ITGBL1: variants seen among roughly 807,000 people sequenced by gnomAD.
ITGBL1 encodes integrin beta-like protein 1.
Under a neutral mutation model 68.5 loss-of-function variants are expected in ITGBL1, and 51 were observed. That is an observed-to-expected ratio of 0.74 (90% CI 0.59 to 0.94). The LOEUF is 0.94. ITGBL1 is among the 40% of genes least tolerant of loss of function. ITGBL1 has a pLI of 0.00. For synonymous variants in ITGBL1, 209 were observed against 227.3 expected (o/e 0.92, Z 0.72); for missense variants, 649 against 647.4 (o/e 1.00, Z -0.03).
intron 3 of ITGBL1, among the ~76,000 whole-genome samples, chr13:101,569,745 T>C (rs2050243054): frequency 6.6e-6 from 1 of 152,192 alleles, no homozygotes; most frequent in African/African-American, 2.4e-5. Context: ...TCATAATACA[T>C]ATTCTTAGGT....
At chr13:101,688,271 A>G (rs899991997) in intron 7 of ITGBL1, among the ~76,000 whole-genome samples, 2 of 152,148 alleles carry the variant, frequency 1.3e-5, no homozygotes, top group East Asian at 1.9e-4. Flanking sequence ...TAAACTTTGC[A>G]TTCAGTATTC....
chr13:101,495,067 C>A (rs2048837245), intron 2 of ITGBL1, among the ~76,000 whole-genome samples: 1 of 152,180 alleles, frequency 6.6e-6, no homozygotes, highest in African/African-American at 2.4e-5. Flanking sequence ...GTTTTGAATC[C>A]TTCTAAGTTA....
At chr13:101,473,098 G>A (rs2048485161) in intron 2 of ITGBL1, among the ~76,000 whole-genome samples, 1 of 152,168 alleles carries the variant, frequency 6.6e-6, no homozygotes, top group Non-Finnish European at 1.5e-5. Context: ...AGTGGAACAA[G>A]ATAGCCAACT....
At chr13:101,465,226 T>C (rs2048367846) in intron 2 of ITGBL1, among the ~76,000 whole-genome samples, 1 of 152,222 alleles carries the variant, frequency 6.6e-6, no homozygotes, top group Non-Finnish European at 1.5e-5. Context: ...GACATTCTTA[T>C]GACTAATATA....
chr13:101,583,850 A>G (rs2050506057), intron 6 of ITGBL1, among the ~76,000 whole-genome samples: 3 of 152,184 alleles, frequency 2.0e-5, no homozygotes, highest in African/African-American at 7.2e-5. Context: ...GGCAAAGACT[A>G]GAGATGAGAG....
chr13:101,620,066 G>A (rs187203867), intron 7 of ITGBL1, among the ~76,000 whole-genome samples: 30 of 152,090 alleles, frequency 2.0e-4, no homozygotes, highest in East Asian at 3.9e-4. Flanking sequence ...ATTATATTCC[G>A]TCGTTTAATC....
chr13:101,686,040 T>C (rs2033747763), intron 7 of ITGBL1, among the ~76,000 whole-genome samples: 1 of 152,086 alleles, frequency 6.6e-6, no homozygotes, highest in African/African-American at 2.4e-5. Context: ...GGTAATTGGA[T>C]TGGGTTGAGA....
At chr13:101,536,355 C>A (rs956309080) in intron 2 of ITGBL1, among the ~76,000 whole-genome samples, 2 of 151,960 alleles carry the variant, frequency 1.3e-5, no homozygotes, top group African/African-American at 4.8e-5. Flanking sequence ...CTATTTTCAC[C>A]AGAGTGACTA....
chr13:101,685,668 T>C (rs1401830289), intron 7 of ITGBL1, among the ~76,000 whole-genome samples: 1 of 152,116 alleles, frequency 6.6e-6, no homozygotes, highest in African/African-American at 2.4e-5. Flanking sequence ...TCTAGAATAG[T>C]GTCTTCTCAG....
intron 6 of ITGBL1, among the ~76,000 whole-genome samples, chr13:101,590,556 A>G (rs1348338950): frequency 6.6e-6 from 1 of 152,134 alleles, no homozygotes; most frequent in Non-Finnish European, 1.5e-5. Context: ...TAAACTTTCA[A>G]GAGTGGAGAA....
intron 7 of ITGBL1, among the ~76,000 whole-genome samples, chr13:101,621,178 C>G (rs1045674498): frequency 1.3e-5 from 2 of 152,166 alleles, no homozygotes; most frequent in African/African-American, 2.4e-5. Context: ...GAAATATTAA[C>G]AGGAAAATAT....
intron 2 of ITGBL1, among the ~76,000 whole-genome samples, chr13:101,509,261 A>T (rs757108873): frequency 2.0e-4 from 31 of 152,128 alleles, no homozygotes; most frequent in Non-Finnish European, 4.1e-4. Flanking sequence ...CACGATCATC[A>T]GAATAGCACA....
At chr13:101,599,936 A>G (rs2030249497) in intron 7 of ITGBL1, among the ~76,000 whole-genome samples, 1 of 152,028 alleles carries the variant, frequency 6.6e-6, no homozygotes, top group African/African-American at 2.4e-5. Context: ...TTTTGGTTCC[A>G]TATGAACTTT....
intron 7 of ITGBL1, among the ~76,000 whole-genome samples, chr13:101,648,140 A>G (rs1292157771): frequency 6.6e-6 from 1 of 152,196 alleles, no homozygotes; most frequent in Non-Finnish European, 1.5e-5. Flanking sequence ...CAGGAGAATT[A>G]TTACACCGTT....
chr13:101,576,335 C>T (rs2050358924), intron 4 of ITGBL1, among the ~76,000 whole-genome samples: 1 of 152,178 alleles, frequency 6.6e-6, no homozygotes, highest in South Asian at 2.1e-4. Flanking sequence ...CAGAGCTCCA[C>T]AAGAGGAGTC....
chr13:101,481,767 T>G (rs2048628222), intron 2 of ITGBL1, among the ~76,000 whole-genome samples: 1 of 152,162 alleles, frequency 6.6e-6, no homozygotes, highest in Admixed American at 6.5e-5. Context: ...TTATTTTGAG[T>G]TGTATATATT....
At chr13:101,512,493 C>G (rs891397177) in intron 2 of ITGBL1, among the ~76,000 whole-genome samples, 5 of 152,110 alleles carry the variant, frequency 3.3e-5, no homozygotes, top group Non-Finnish European at 1.5e-5. Context: ...AATTAGTGAA[C>G]AAATGGTTAG....
chr13:101,637,310 G>A (rs889363953), intron 7 of ITGBL1, among the ~76,000 whole-genome samples: 49 of 151,718 alleles, frequency 3.2e-4, no homozygotes, highest in Admixed American at 3.2e-3. Context: ...ATCGGTGCTG[G>A]GGACAACAAA....
intron 7 of ITGBL1, among the ~76,000 whole-genome samples, chr13:101,629,555 T>G (rs1437620280): frequency 2.6e-5 from 4 of 152,162 alleles, no homozygotes; most frequent in African/African-American, 9.7e-5. Flanking sequence ...CTTCATCTAT[T>G]TAAAATGAAA....
Sources: gnomAD v4.1 joint callset for allele counts (sites outside exome capture counted in the v4.1 genomes callset) on GRCh38, gnomAD v4.1.1 for gene constraint, MANE v1.5 for transcripts, NCBI Gene and HGNC (gene_info 2026-07-23, HGNC 2026-07-21) for gene names.